DNAH7: variants seen among roughly 807,000 people sequenced by gnomAD.
The protein encoded by DNAH7 is axonemal beta dynein heavy chain 7.
DNAH7 carries 397 observed loss-of-function variants against 444.6 expected under a neutral mutation model. The ratio of observed to expected loss-of-function variants is 0.89; its 90% confidence interval spans 0.82 to 0.97. The LOEUF (loss-of-function observed/expected upper bound fraction) is 0.97, where lower values mean the gene tolerates loss of function less well. Ranked by LOEUF, DNAH7 falls within the 50% of genes least tolerant of loss-of-function variation. DNAH7 has a pLI of 0.00. For missense variants in DNAH7, 4,902 were observed against 4,800.8 expected (o/e 1.02, Z -0.62); for synonymous variants, 1,636 against 1,624.4 (o/e 1.01, Z -0.17).
chr2:195,910,981 CTA>C (rs747353552), intron 24 of DNAH7, among the ~76,000 whole-genome samples: 92 of 152,254 alleles, frequency 6.0e-4, no homozygotes, highest in Non-Finnish European at 1.2e-3. Context: ...GAAAAAAACT[CTA>C]GAGTCTTCCT....
chr2:195,772,978 A>C (rs1209715148), intron 60 of DNAH7, among the ~76,000 whole-genome samples: 1 of 151,884 alleles, frequency 6.6e-6, no homozygotes, highest in Non-Finnish European at 1.5e-5. Context: ...ACAGTGTTTC[A>C]CCATGTTGGC....
In DNAH7 at chr2:195,737,724, C is replaced by CTTTA. The variant is rs3049430; in HGVS notation, c.*193_*196dup. 0.56 allele frequency: 289,676 copies of CTTTA among 514,778 alleles called. 84,225 individuals are homozygous for CTTTA. Among genetic ancestry groups the CTTTA allele is most frequent in the Non-Finnish European group, 0.62 (178,249 of 289,232 alleles). The allele number at this position is 514,778 out of a possible 1,614,324, so 31.9% of individuals were successfully genotyped here. ...AATATGCCAGTGTGTTTTCTTTAGT[C>CTTTA]TTTATTTCAGAACATTTCCTTACAT... On this transcript the variant is annotated 3_prime_UTR_variant, in exon 65 of 65. Transcript: ENST00000312428.
At chr2:195,810,493 C>T (rs1163356817) in intron 51 of DNAH7, among the ~76,000 whole-genome samples, 1 of 152,144 alleles carries the variant, frequency 6.6e-6, no homozygotes, top group Non-Finnish European at 1.5e-5. Flanking sequence ...CTCACTGCAA[C>T]CTCCACCTCC....
intron 48 of DNAH7, among the ~76,000 whole-genome samples, chr2:195,829,067 C>T (rs950923488): frequency 3.9e-5 from 6 of 152,104 alleles, no homozygotes; most frequent in Admixed American, 3.9e-4. Context: ...TCTGGTTTTT[C>T]TGAAAAGTTT....
At chr2:195,954,513 C>A (rs770633187) in intron 19 of DNAH7, among the ~76,000 whole-genome samples, 1 of 152,130 alleles carries the variant, frequency 6.6e-6, no homozygotes, top group African/African-American at 2.4e-5. Context: ...TTTATAGCAG[C>A]ATGATTTATA....
At chr2:195,917,090 A>C in intron 24 of DNAH7, among the ~76,000 whole-genome samples, 1 of 134,800 alleles carries the variant, frequency 7.4e-6, no homozygotes, top group African/African-American at 2.9e-5. Flanking sequence ...CAACAGAGTG[A>C]GACTCCACCT....
At chr2:196,063,403 G>A (rs931604195) in intron 1 of DNAH7, 1 of 152,178 alleles carries the variant, frequency 6.6e-6, no homozygotes, top group Non-Finnish European at 1.5e-5. Flanking sequence ...TAATTCTGGG[G>A]ATGTTGCTGA....
rs1702237321 is a variant in DNAH7 at position 195,895,181 on chromosome 2, G to A, written c.4691C>T (p.Pro1564Leu). The A allele has an allele frequency of 6.2e-7, 1 of 1,610,550 alleles. No individual in the cohort carries two copies. The highest frequency in any genetic ancestry group is 1.3e-5 in the African/African-American group (1 of 74,790). The change falls in exon 30 of 65, where the codon CCA (proline) becomes CTA (leucine). Residue 1564 changes from proline to leucine, a missense_variant. Pro to Leu is a moderately conservative substitution (Grantham distance 98). Transcript: ENST00000312428. Reference protein sequence around the residue: ...DLFPGVKLPKPDYNDLLAAIK... With the variant: ...DLFPGVKLPKLDYNDLLAAIK... ...AGCTGCCAGCAAATCATTGTAATCTGGTTTTGGTAATTTTACCCCAGGAAA... is the reference window on the plus strand; with the variant it reads ...AGCTGCCAGCAAATCATTGTAATCTAGTTTTGGTAATTTTACCCCAGGAAA...
At chr2:195,747,834 C>T (rs1056972304) in intron 63 of DNAH7, among the ~76,000 whole-genome samples, 11 of 152,118 alleles carry the variant, frequency 7.2e-5, no homozygotes, top group African/African-American at 2.2e-4. Context: ...TGGGACATAT[C>T]TCAAAATAAT....
intron 5 of DNAH7, among the ~76,000 whole-genome samples, chr2:196,036,808 T>C (rs758026435): frequency 2.0e-5 from 3 of 152,110 alleles, no homozygotes; most frequent in Admixed American, 6.5e-5. Context: ...AAAGAGCAGA[T>C]CTCCTTGCCT....
At chr2:195,782,337 G>A (rs549142129) in intron 58 of DNAH7, among the ~76,000 whole-genome samples, 2 of 152,300 alleles carry the variant, frequency 1.3e-5, no homozygotes, top group East Asian at 1.9e-4. Context: ...CATGACTCAA[G>A]TATAGCAGTT....
At chr2:196,041,423 C>T (rs1272140244) in intron 5 of DNAH7, among the ~76,000 whole-genome samples, 1 of 152,072 alleles carries the variant, frequency 6.6e-6, no homozygotes, top group East Asian at 1.9e-4. Flanking sequence ...TTATATTCAA[C>T]TCATTTTTGA....
rs576365208 is a variant in DNAH7 at position 195,771,184 on chromosome 2, G to A, written c.11433+476C>T. On this transcript the variant is annotated intron_variant, in intron 61 of 64. Transcript: ENST00000312428. ...AATAAAAATAAAATAAAATAAAATA[G>A]AATAAAATAGCCAGGCTTGGTGGCT... is the stretch of plus-strand genomic sequence containing the variant. Among the ~76,000 whole-genome samples, 4 of 151,702 alleles carry A rather than the reference G, an allele frequency of 2.6e-5. No homozygotes were observed. The East Asian group carries it at 5.8e-4, about 22-fold the overall frequency.
rs1329605165 is a variant in DNAH7, at chr2:195,853,376, A to G, written c.8748T>C (p.Ala2916=). 1.2e-6 allele frequency: 2 copies of G among 1,614,076 alleles called. No individual in the cohort carries two copies. Among genetic ancestry groups the G allele is most frequent in the Middle Eastern group, 1.6e-4 (1 of 6,062 alleles). The change falls in exon 46 of 65, where the codon GCT becomes GCC. Residue 2916 remains alanine (A), a synonymous_variant. Transcript: ENST00000312428. ...AGGTGGATGTGAAGGCTCCGAGGTA[A>G]GCAACCACTCCGGAGGAAATGAGGA... ...GDILISSGVV[A]YLGAFTSTYR... is the part of the protein sequence containing the mutation.
intron 3 of DNAH7, among the ~76,000 whole-genome samples, chr2:196,050,852 G>T (rs993246005): frequency 6.6e-6 from 1 of 152,166 alleles, no homozygotes; most frequent in Non-Finnish European, 1.5e-5. Context: ...TGAGGCTCAA[G>T]AGGTAAGTGA....
At chr2:195,898,235 A>C (rs1343639118) in intron 28 of DNAH7, among the ~76,000 whole-genome samples, 1 of 152,212 alleles carries the variant, frequency 6.6e-6, no homozygotes, top group East Asian at 1.9e-4. Context: ...CTGCATATAC[A>C]GTTAGGCACA....
rs1692987357 is a variant in DNAH7, at chr2:195,740,833, G to A, written c.11801C>T (p.Ser3934Phe). The part of the protein sequence containing the change: ...FIHGLFLDGA[S>F]WNRKIKKLAE... ...AAGTTTCTTGATCTTTCTATTCCAG[G>A]AAGCTCCATCCAGAAATAATCCGTG... The change falls in exon 64 of 65, where the codon TCC (serine) becomes TTC (phenylalanine). Residue 3934 changes from serine (S) to phenylalanine (F), a missense_variant. Physicochemically the swap from Ser to Phe is radical, Grantham distance 155. Coordinates refer to ENST00000312428, the MANE Select transcript of DNAH7 (RefSeq NM_018897.3). The A allele has an allele frequency of 6.4e-7, 1 of 1,565,296 alleles. No individual in the cohort carries two copies. Among genetic ancestry groups the A allele is most frequent in the Non-Finnish European group, 8.7e-7 (1 of 1,154,410 alleles).
At chr2:195,791,851 T>C (rs988157082) in intron 57 of DNAH7, among the ~76,000 whole-genome samples, 12 of 152,002 alleles carry the variant, frequency 7.9e-5, no homozygotes, top group Admixed American at 2.0e-4. Flanking sequence ...GAGCTAAACA[T>C]TGGGTAAACA....
rs151333889 is a variant in DNAH7 at position 195,882,403 on chromosome 2, A to T, written c.5764-411T>A. 3.8e-3 allele frequency among the ~76,000 whole-genome samples: 585 copies of T among 152,338 alleles called. 2 individuals are homozygous for T. Among genetic ancestry groups the T allele is most frequent in the Non-Finnish European group, 5.6e-3 (378 of 68,022 alleles). ...TAGAAGATAAGCTGCATATTGCTTG[A>T]CTTTTATAACAGTATTTATAACATT... On this transcript the variant is annotated intron_variant, in intron 35 of 64. Transcript: ENST00000312428.
Sources: gnomAD v4.1 joint callset for allele counts (sites outside exome capture counted in the v4.1 genomes callset) on GRCh38, gnomAD v4.1.1 for gene constraint, MANE v1.5 for transcripts, NCBI Gene and HGNC (gene_info 2026-07-23, HGNC 2026-07-21) for gene names.